Variants in RCC1L observed in about 807,000 individuals in gnomAD.
The protein encoded by RCC1L is RCC1 like, also known as RCC1-like G exchanging factor-like protein.
In RCC1L, 46 loss-of-function variants were observed where a neutral mutation model predicts 58.6. The observed-to-expected ratio is 0.79, with a 90% CI of 0.62 to 1.00. The LOEUF is 1.00. RCC1L is among the 50% of genes least tolerant of loss of function. The pLI, the probability that RCC1L is intolerant of heterozygous loss-of-function variation, is 0.00. For missense variants in RCC1L, 636 were observed against 623.6 expected (o/e 1.02, Z -0.21); for synonymous variants, 281 against 262.9 (o/e 1.07, Z -0.67).
At chr7:75,035,529 T>C (rs1205949664) in intron 10 of RCC1L, among the ~76,000 whole-genome samples, 2 of 152,134 alleles carry the variant, frequency 1.3e-5, no homozygotes, top group African/African-American at 4.8e-5. Context: ...CACTCCTAGG[T>C]ATACATCCAT....
Position 75,047,951 on chromosome 7 carries a change from T to TAAAAA in RCC1L, c.1317+4755_1317+4759dup, listed in dbSNP as rs1165495607. On this transcript the variant is annotated intron_variant, in intron 10 of 10. Transcript: ENST00000610322. ...TGAGCCATAGCGCCTGGCCAATAATTAAAAAAAAAAAAAAAAAAAAAAAAA... is the reference window on the plus strand; with the variant it reads ...TGAGCCATAGCGCCTGGCCAATAATTAAAAAAAAAAAAAAAAAAAAAAAAAAAAAA... Among the ~76,000 whole-genome samples the TAAAAA allele has an allele frequency of 1.6e-3, 114 of 72,088 alleles. 1 individual carries two copies. Among genetic ancestry groups the TAAAAA allele is most frequent in the East Asian group, 2.8e-3 (5 of 1,806 alleles). 47.3% of individuals were successfully genotyped at this position (72,088 alleles called of 152,430 possible).
exon 11 of RCC1L, chr7:75,027,692 T>C: frequency 2.7e-6 from 1 of 364,654 alleles, no homozygotes; most frequent in South Asian, 2.4e-5. Context: ...GCCCGCTCCG[T>C]GGGAGCTGCC....
chr7:75,072,192 G>GTATATATGGA (rs1806785594), intron 1 of RCC1L, among the ~76,000 whole-genome samples: 2 of 63,254 alleles, frequency 3.2e-5, no homozygotes, highest in African/African-American at 8.4e-5. Flanking sequence ...ATATATATAT[G>GTATATATGGA]GAGAGAGAGA....
chr7:75,056,201 G>GT (rs1185379253), intron 8 of RCC1L, 127 bp from the exon 9 acceptor site: 11 of 1,071,104 alleles, frequency 1.0e-5, no homozygotes, highest in Admixed American at 4.3e-5. Flanking sequence ...TTTTTGTTTT[G>GT]TTTTTTTCCT....
exon 11 of RCC1L, chr7:75,028,039 A>G: frequency 2.6e-6 from 4 of 1,531,774 alleles, no homozygotes; most frequent in South Asian, 1.2e-5. Context: ...TAATCAGAGG[A>G]GTGGGCCTGT....
At chr7:75,057,926 G>C (rs1051127192) in intron 7 of RCC1L, 24 of 377,662 alleles carry the variant, frequency 6.4e-5, no homozygotes, top group African/African-American at 4.0e-4. Flanking sequence ...GGGAGGCGGA[G>C]GCAGGTGGAT....
At chr7:75,037,528 G>A (rs1342775141), downstream of RCC1L, among the ~76,000 whole-genome samples, 2 of 133,752 alleles carry the variant, frequency 1.5e-5, no homozygotes, top group Admixed American at 8.0e-5. Flanking sequence ...TTTGGGAGAC[G>A]GAGTCTCGGT....
chr7:75,066,857 C>T, intron 2 of RCC1L, 65 bp from the exon 3 acceptor site: 2 of 1,545,168 alleles, frequency 1.3e-6, no homozygotes, highest in Admixed American at 2.0e-5. Flanking sequence ...TACTGTCCAA[C>T]TCCACGCTAC....
At chr7:75,056,762 A>T in intron 8 of RCC1L, 1 of 1,514,834 alleles carries the variant, frequency 6.6e-7, no homozygotes, top group Non-Finnish European at 8.9e-7. Flanking sequence ...TTTTGTTAAG[A>T]ACTTCATTCA....
At chr7:75,035,103 T>C (rs1295765853) in intron 10 of RCC1L, among the ~76,000 whole-genome samples, 1 of 152,208 alleles carries the variant, frequency 6.6e-6, no homozygotes, top group African/African-American at 2.4e-5. Flanking sequence ...CAATCCAAGC[T>C]CACTGCAGCC....
intron 10 of RCC1L, among the ~76,000 whole-genome samples, chr7:75,047,660 T>C (rs1049264660): frequency 6.8e-6 from 1 of 146,500 alleles, no homozygotes; most frequent in African/African-American, 2.5e-5. Flanking sequence ...ATATATATAT[T>C]TTTTGGAGAC....
exon 11 of RCC1L, chr7:75,027,279 G>A (rs1805162476): frequency 6.6e-6 from 1 of 152,502 alleles, no homozygotes; most frequent in Admixed American, 6.5e-5. Context: ...TGTGGCGTGG[G>A]TCATGCCTTC....
In RCC1L at chr7:75,051,179, AT is replaced by A. The variant is rs1428170187; in HGVS notation, c.1317+1531del. 5.2e-3 allele frequency among the ~76,000 whole-genome samples: 751 copies of A among 144,502 alleles called. 8 individuals are homozygous for A. The highest frequency in any genetic ancestry group is 0.013 in the African/African-American group (522 of 39,592). The allele number at this position is 144,502 out of a possible 152,430, so 94.8% of individuals were successfully genotyped here. On this transcript the variant is annotated intron_variant, in intron 10 of 10. Coordinates refer to ENST00000610322, the MANE Select transcript of RCC1L (RefSeq NM_030798.5). ...GCCTCCACCGATAGTCTTGGAAAAA[AT>A]ATATATATATATATATTTAATATAT...
intron 2 of RCC1L, 108 bp downstream of exon 2, chr7:75,070,532 C>T (rs1806684756): frequency 2.1e-6 from 3 of 1,460,028 alleles, no homozygotes; most frequent in East Asian, 2.4e-5. Context: ...GATCTCGCCA[C>T]TGCACTCTAG....
intron 10 of RCC1L, among the ~76,000 whole-genome samples, chr7:75,043,391 C>T (rs1759068200): frequency 6.6e-6 from 1 of 152,226 alleles, no homozygotes; most frequent in Non-Finnish European, 1.5e-5. Context: ...CAATGGCAGC[C>T]ATCACCATTC....
intron 10 of RCC1L, among the ~76,000 whole-genome samples, chr7:75,029,690 G>C (rs1805247414): frequency 1.3e-5 from 2 of 152,182 alleles, no homozygotes; most frequent in African/African-American, 4.8e-5. Flanking sequence ...TTTGCATGGG[G>C]ATGGGAAGAA....
chr7:75,055,995 C>T lies in RCC1L; in HGVS notation c.1137G>A (p.Met379Ile). Residue 379 changes from methionine to isoleucine, a missense_variant, in exon 9 of 11, where the codon ATG becomes ATA. By Grantham distance (10) the Met-to-Ile change is conservative. Transcript: ENST00000610322. Reference sequence around the variant, plus strand: ...TCAAGCCAAAGAGAGTGGGTGGAATCATTTCAGGGACGGCACTTTCCACTA... The same window carrying T: ...TCAAGCCAAAGAGAGTGGGTGGAATTATTTCAGGGACGGCACTTTCCACTA... Reference protein sequence around the residue: ...PNLVESAVPEMIPPTLFGLTE... With the variant: ...PNLVESAVPEIIPPTLFGLTE... 6.2e-7 allele frequency: 1 copy of T among 1,613,946 alleles called. No homozygotes were observed. Among genetic ancestry groups the T allele is most frequent in the Non-Finnish European group, 8.5e-7 (1 of 1,179,866 alleles).
At chr7:75,039,196 T>C (rs1479967243), downstream of RCC1L, among the ~76,000 whole-genome samples, 1 of 152,174 alleles carries the variant, frequency 6.6e-6, no homozygotes, top group African/African-American at 2.4e-5. Context: ...AGGCCTCCTT[T>C]AGATGCTAGT....
chr7:75,064,547 C>T (rs1563078296), intron 4 of RCC1L, 35 bp downstream of exon 4: 3 of 1,612,194 alleles, frequency 1.9e-6, no homozygotes, highest in Non-Finnish European at 2.5e-6. Context: ...ACACTTAACT[C>T]AACATGGGGA....
Sources: allele counts gnomAD v4.1 joint callset (sites outside exome capture counted in the v4.1 genomes callset), GRCh38; gene constraint gnomAD v4.1.1; transcripts MANE v1.5; gene names NCBI Gene and HGNC (gene_info 2026-07-23, HGNC 2026-07-21).